Variants in GRIK2 observed in about 807,000 individuals in gnomAD.
GRIK2 encodes glutamate ionotropic receptor kainate type subunit 2, also known as glutamate receptor ionotropic, kainate 2.
A neutral mutation model predicts 100.3 loss-of-function variants in GRIK2; 32 were observed. The observed-to-expected ratio is 0.32, with a 90% CI of 0.24 to 0.43. GRIK2 has a LOEUF of 0.43. Among genes scored for constraint, GRIK2 ranks in the 20% least tolerant of loss-of-function variants. GRIK2 has a pLI of 1.00. For synonymous variants in GRIK2, 417 were observed against 389.4 expected (o/e 1.07, Z -0.83); for missense variants, 843 against 1,114.9 (o/e 0.76, Z 3.47).
intron 4 of GRIK2, among the ~76,000 whole-genome samples, chr6:101,630,177 T>C (rs985698855): frequency 2.0e-5 from 3 of 152,140 alleles, no homozygotes; most frequent in Non-Finnish European, 4.4e-5. Context: ...AATGAACATA[T>C]GCATGCATGT....
intron 4 of GRIK2, among the ~76,000 whole-genome samples, chr6:101,674,533 C>T (rs561139512): frequency 5.1e-4 from 78 of 152,154 alleles, no homozygotes; most frequent in South Asian, 1.9e-3. Context: ...ACGTCATAGC[C>T]GAACATTAAA....
intron 14 of GRIK2, among the ~76,000 whole-genome samples, chr6:101,994,113 C>G (rs1794529737): frequency 6.7e-6 from 1 of 150,156 alleles, no homozygotes; most frequent in Non-Finnish European, 1.5e-5. Context: ...ATTCTACTGG[C>G]AAATATTACA....
chr6:101,928,720 G>T, intron 14 of GRIK2, 88 bp downstream of exon 14: 1 of 713,354 alleles, frequency 1.4e-6, no homozygotes. Context: ...GTGTAACAAC[G>T]CCATTATTTG....
At chr6:101,958,463 A>G (rs1343235418) in intron 14 of GRIK2, among the ~76,000 whole-genome samples, 2 of 152,048 alleles carry the variant, frequency 1.3e-5, no homozygotes, top group East Asian at 3.8e-4. Flanking sequence ...AGATTTTATC[A>G]TCAGTTAACA....
intron 7 of GRIK2, among the ~76,000 whole-genome samples, chr6:101,701,458 C>T (rs1452590919): frequency 6.6e-6 from 1 of 152,030 alleles, no homozygotes; most frequent in Non-Finnish European, 1.5e-5. Context: ...CTAATGTTGT[C>T]TATCAAATAA....
At chr6:101,824,375 A>T (rs141348557) in intron 10 of GRIK2, among the ~76,000 whole-genome samples, 5 of 152,282 alleles carry the variant, frequency 3.3e-5, no homozygotes, top group African/African-American at 1.2e-4. Context: ...TATGAGTGAC[A>T]ACATACAGTG....
chr6:101,401,644 T>C (rs1775312050), intron 2 of GRIK2, among the ~76,000 whole-genome samples: 1 of 152,236 alleles, frequency 6.6e-6, no homozygotes, highest in Non-Finnish European at 1.5e-5. Flanking sequence ...TACTGGAACA[T>C]TTCCCTGTTG....
chr6:101,546,856 A>C (rs1432054368), intron 2 of GRIK2, among the ~76,000 whole-genome samples: 2 of 85,358 alleles, frequency 2.3e-5, no homozygotes, highest in East Asian at 7.7e-4. Context: ...TTGGAGACGG[A>C]GTCTCGCTCT....
At chr6:101,542,448 A>G (rs941234224) in intron 2 of GRIK2, among the ~76,000 whole-genome samples, 1 of 149,788 alleles carries the variant, frequency 6.7e-6, no homozygotes, top group African/African-American at 2.5e-5. Flanking sequence ...TTCTTTATCA[A>G]TAACAGGCGT....
chr6:101,987,971 C>A (rs546725198), intron 14 of GRIK2, among the ~76,000 whole-genome samples: 1 of 151,586 alleles, frequency 6.6e-6, no homozygotes, highest in African/African-American at 2.4e-5. Context: ...TAAAGAGCAT[C>A]GTCTCTTTAC....
chr6:101,729,705 G>A (rs1339892993), intron 7 of GRIK2, among the ~76,000 whole-genome samples: 1 of 151,772 alleles, frequency 6.6e-6, no homozygotes, highest in African/African-American at 2.4e-5. Flanking sequence ...GAGAGAGAGA[G>A]AGAGAATTCC....
At chr6:101,785,174 A>G (rs1357898704) in intron 7 of GRIK2, among the ~76,000 whole-genome samples, 1 of 150,374 alleles carries the variant, frequency 6.7e-6, no homozygotes, top group African/African-American at 2.5e-5. Context: ...TTTACTGTTG[A>G]GTTGTTTGAG....
chr6:101,812,123 T>C (rs576536032), intron 9 of GRIK2, among the ~76,000 whole-genome samples: 7 of 151,638 alleles, frequency 4.6e-5, no homozygotes, highest in Admixed American at 4.6e-4. Context: ...GAGATAGATC[T>C]TAAAACATTA....
At chr6:101,838,364 A>G (rs1582347789) in intron 10 of GRIK2, among the ~76,000 whole-genome samples, 1 of 152,138 alleles carries the variant, frequency 6.6e-6, no homozygotes. Context: ...GTGATGGGTG[A>G]AAAAAGAAAT....
At chr6:102,013,643 A>T (rs893677158) in intron 14 of GRIK2, among the ~76,000 whole-genome samples, 1 of 152,046 alleles carries the variant, frequency 6.6e-6, no homozygotes. Flanking sequence ...TAACATGAAA[A>T]GATGTTGAAT....
intron 14 of GRIK2, among the ~76,000 whole-genome samples, chr6:101,979,012 CAT>C (rs941488577): frequency 6.6e-6 from 1 of 151,916 alleles, no homozygotes; most frequent in African/African-American, 2.4e-5. Context: ...TTTTGGATAA[CAT>C]ATCTTATTTT....
At chr6:102,056,711 G>C (rs1209096332) in intron 16 of GRIK2, among the ~76,000 whole-genome samples, 1 of 151,632 alleles carries the variant, frequency 6.6e-6, no homozygotes, top group Non-Finnish European at 1.5e-5. Context: ...AAATATTTTT[G>C]AAAATAAAAA....
At chr6:102,040,731 C>T (rs1770519400) in intron 15 of GRIK2, among the ~76,000 whole-genome samples, 1 of 151,494 alleles carries the variant, frequency 6.6e-6, no homozygotes, top group Admixed American at 6.6e-5. Flanking sequence ...CTAAAATTCT[C>T]AATTTATGAT....
At chr6:101,950,214 G>A (rs1423233607) in intron 14 of GRIK2, among the ~76,000 whole-genome samples, 3 of 151,258 alleles carry the variant, frequency 2.0e-5, no homozygotes, top group African/African-American at 7.4e-5. Flanking sequence ...GTTGTTGCTG[G>A]TAATAAATCA....
Sources: allele counts gnomAD v4.1 joint callset (sites outside exome capture counted in the v4.1 genomes callset), GRCh38; gene constraint gnomAD v4.1.1; transcripts MANE v1.5; gene names NCBI Gene and HGNC (gene_info 2026-07-23, HGNC 2026-07-21).